Variants in MR1 observed in about 807,000 individuals in gnomAD.
The protein encoded by MR1 is major histocompatibility complex class I-related protein 1.
MR1 carries 44 observed loss-of-function variants against 37.8 expected under a neutral mutation model. That is an observed-to-expected ratio of 1.16 (90% CI 0.91 to 1.50). MR1 has a LOEUF of 1.50. MR1 is among the 40% of genes most tolerant of loss of function. The probability of loss-of-function intolerance (pLI) is 0.00; values close to 1 mark genes in which losing one functional copy is unlikely to be tolerated. For missense variants in MR1, 386 were observed against 419.1 expected, an observed-to-expected ratio of 0.92 and a Z score of 0.69; for synonymous variants, 153 against 155.8, an observed-to-expected ratio of 0.98 and a Z score of 0.13.
At position 181,048,224 on chromosome 1, in the gene MR1, T is replaced by TAAATAAAATA. The variant is rs10700002; in HGVS notation, c.68-820_68-811dup. Among the ~76,000 whole-genome samples the TAAATAAAATA allele has an allele frequency of 5.5e-5, 7 of 127,076 alleles. No individual in the cohort carries two copies. In the East Asian group the frequency reaches 9.1e-4, roughly 16 times the overall value. The allele number at this position is 127,076 out of a possible 152,430, so 83.4% of individuals were successfully genotyped here. On this transcript the variant is annotated intron_variant, in intron 1 of 5. Transcript: ENST00000367580. ...AGAGCAAGACTCCATCTCAAAAAAA[T>TAAATAAAATA]AAATAAAATAAAATAAATAAATAAA...
chr1:181,049,981 G>T, intron 2 of MR1, 30 bp from the exon 3 acceptor site: 1 of 1,600,524 alleles, frequency 6.2e-7, no homozygotes, highest in Non-Finnish European at 8.5e-7. Flanking sequence ...TCTCTGTGTG[G>T]ACCCCTCTGG....
At chr1:181,040,134 T>C (rs1261872362) in intron 1 of MR1, among the ~76,000 whole-genome samples, 1 of 152,186 alleles carries the variant, frequency 6.6e-6, no homozygotes, top group East Asian at 1.9e-4. Context: ...TTTTGAGAAG[T>C]AGCTTGACTG....
At chr1:181,045,758 C>T (rs940844844) in intron 1 of MR1, among the ~76,000 whole-genome samples, 3 of 152,232 alleles carry the variant, frequency 2.0e-5, no homozygotes, top group African/African-American at 4.8e-5. Context: ...TTCAGCCCAC[C>T]GCTGCACTGT....
intron 3 of MR1, 135 bp downstream of exon 3, chr1:181,050,421 G>A (rs1049189254): frequency 8.0e-5 from 91 of 1,137,878 alleles, no homozygotes; most frequent in Non-Finnish European, 1.0e-4. Context: ...CTCATGGCTA[G>A]AGCCCCCACG....
In MR1 at chr1:181,053,634, G is replaced by A. The variant is rs112996862; in HGVS notation, c.942G>A (p.Val314=). The part of the protein sequence containing the change: ...AVSGSIVLVI[V]LAGVGVLVWR... ...CTGGGTCCATTGTCCTTGTCATTGT[G>A]CTGGCTGGAGTTGGTGTTCTAGTCT... The change falls in exon 5 of 6, where the codon GTG becomes GTA. Residue 314 remains valine (V), a synonymous_variant. Transcript: ENST00000367580. 6.2e-7 allele frequency: 1 copy of A among 1,613,950 alleles called. No individual in the cohort carries two copies. Among genetic ancestry groups the A allele is most frequent in the East Asian group, 2.2e-5 (1 of 44,894 alleles).
In MR1 at chr1:181,043,187, C is replaced by A. The variant is rs562870408; in HGVS notation, c.68-5865C>A. Among the ~76,000 whole-genome samples the A allele has an allele frequency of 2.0e-5, 3 of 152,278 alleles. No individual in the cohort carries two copies. The South Asian group carries it at 6.2e-4, about 32-fold the overall frequency. On this transcript the variant is annotated intron_variant, in intron 1 of 5. Transcript: ENST00000367580. ...AGGCTTCCACTGTCTTCCCTCCCAA[C>A]CCAAGCCCTCACCCACCACAGGAAG...
chr1:181,051,669 G>C lies in MR1; in HGVS notation c.605-566G>C, dbSNP rs533026799. ...GTACTTCTTTGGTGTCACTGCTGGAGCCCTTCTATGATATCAGTTTCTTCG... is the reference window on the plus strand; with the variant it reads ...GTACTTCTTTGGTGTCACTGCTGGACCCCTTCTATGATATCAGTTTCTTCG... On this transcript the variant is annotated intron_variant, in intron 3 of 5. Coordinates refer to ENST00000367580, the MANE Select transcript of MR1 (RefSeq NM_001385161.1). Among the ~76,000 whole-genome samples, 86 of 152,272 alleles carry C rather than the reference G, an allele frequency of 5.6e-4. 1 individual carries two copies. Among genetic ancestry groups the C allele is most frequent in the Non-Finnish European group, 9.0e-4 (61 of 68,024 alleles).
intron 5 of MR1, 60 bp downstream of exon 5, chr1:181,053,737 T>C: frequency 8.2e-7 from 1 of 1,226,480 alleles, no homozygotes; most frequent in Non-Finnish European, 1.2e-6. Flanking sequence ...TCTCCAGTTT[T>C]ATTTTCTGCA....
chr1:181,054,802 C>T (rs773904552), intron 5 of MR1, among the ~76,000 whole-genome samples: 4 of 151,786 alleles, frequency 2.6e-5, no homozygotes, highest in African/African-American at 7.3e-5. Context: ...CGGAGGTTGC[C>T]GTGAGCAAAG....
rs141304429 is a variant in MR1 at position 181,034,133 on chromosome 1, C to T, written c.67+59C>T. 2,956 of 1,528,862 alleles carry T rather than the reference C, an allele frequency of 1.9e-3. 98 individuals carry two copies. In the Admixed American group the frequency reaches 0.047, roughly 24 times the overall value. The allele number at this position is 1,528,862 out of a possible 1,614,324, so 94.7% of individuals were successfully genotyped here. ...CAAAGTCGAGGCAGCCTAGAAGGCACAGCTTTTCTTCCTAAAACTTGTGGT... is the reference window on the plus strand; with the variant it reads ...CAAAGTCGAGGCAGCCTAGAAGGCATAGCTTTTCTTCCTAAAACTTGTGGT... On this transcript the variant is annotated intron_variant, in intron 1 of 5. Coordinates refer to ENST00000367580, the MANE Select transcript of MR1 (RefSeq NM_001385161.1).
intron 1 of MR1, among the ~76,000 whole-genome samples, chr1:181,046,644 C>T (rs949211666): frequency 6.6e-6 from 1 of 152,008 alleles, no homozygotes; most frequent in Non-Finnish European, 1.5e-5. Context: ...GCAGGCTGCC[C>T]GAGCCAGCAG....
At chr1:181,037,219 A>G (rs1004619739) in intron 1 of MR1, 3 of 152,220 alleles carry the variant, frequency 2.0e-5, no homozygotes, top group African/African-American at 7.2e-5. Context: ...ATGATGGATA[A>G]GCTCCCTAAG....
At chr1:181,047,080 C>G (rs555371827) in intron 1 of MR1, among the ~76,000 whole-genome samples, 4 of 152,154 alleles carry the variant, frequency 2.6e-5, no homozygotes, top group Non-Finnish European at 5.9e-5. Flanking sequence ...CACCACCACC[C>G]ATAATGCCAC....
upstream of MR1, chr1:181,033,940 T>C (rs368363338): frequency 6.6e-6 from 9 of 1,366,566 alleles, no homozygotes; most frequent in Non-Finnish European, 1.0e-6. Context: ...AGGCCTTGTG[T>C]GTCACCAAGA....
intron 1 of MR1, among the ~76,000 whole-genome samples, chr1:181,038,558 G>A (rs973650273): frequency 6.6e-6 from 1 of 152,226 alleles, no homozygotes; most frequent in African/African-American, 2.4e-5. Flanking sequence ...AGGAAGGTCT[G>A]GAGCCTGTGG....
At chr1:181,048,587 C>T (rs1440687377) in intron 1 of MR1, among the ~76,000 whole-genome samples, 1 of 152,066 alleles carries the variant, frequency 6.6e-6, no homozygotes, top group Non-Finnish European at 1.5e-5. Context: ...TGTATATGCC[C>T]ACACGTGCAC....
At chr1:181,041,157 A>C (rs1657535060) in intron 1 of MR1, among the ~76,000 whole-genome samples, 1 of 152,170 alleles carries the variant, frequency 6.6e-6, no homozygotes, top group Non-Finnish European at 1.5e-5. Context: ...TTGTCAACAG[A>C]CCATATTTCT....
intron 1 of MR1, among the ~76,000 whole-genome samples, chr1:181,038,207 G>A (rs565951985): frequency 3.3e-4 from 51 of 152,284 alleles, no homozygotes; most frequent in African/African-American, 1.2e-3. Context: ...GGTAGCCTCA[G>A]AAGAGTAGCT....
At chr1:181,044,986 A>G (rs1019557487) in intron 1 of MR1, among the ~76,000 whole-genome samples, 1 of 152,252 alleles carries the variant, frequency 6.6e-6, no homozygotes, top group African/African-American at 2.4e-5. Context: ...AACTTCACAC[A>G]GTGTGAGATT....
Sources: allele counts gnomAD v4.1 joint callset (sites outside exome capture counted in the v4.1 genomes callset), GRCh38; gene constraint gnomAD v4.1.1; transcripts MANE v1.5; gene names NCBI Gene and HGNC (gene_info 2026-07-23, HGNC 2026-07-21).